The following STK24 variants were observed in gnomAD, a reference collection of about 807,000 sequenced individuals.
STK24 encodes the protein serine/threonine kinase 24.
In STK24, 21 loss-of-function variants were observed where a neutral mutation model predicts 55.6. The observed-to-expected ratio is 0.38, with a 90% confidence interval of 0.27 to 0.54. The LOEUF is 0.54. STK24 is among the 20% of genes least tolerant of loss of function. The pLI is 0.79. For synonymous variants in STK24, 200 were observed against 215.2 expected (o/e 0.93, Z 0.62); for missense variants, 383 against 538.4 (o/e 0.71, Z 2.86).
intron 2 of STK24, among the ~76,000 whole-genome samples, chr13:98,517,840 C>T (rs1334152801): frequency 3.9e-5 from 6 of 152,146 alleles, no homozygotes; most frequent in Non-Finnish European, 8.8e-5. Flanking sequence ...ACCTTCATTG[C>T]ATATTCATTG....
chr13:98,493,535 C>G (rs1230952767), intron 2 of STK24, among the ~76,000 whole-genome samples: 2 of 152,150 alleles, frequency 1.3e-5, no homozygotes, highest in South Asian at 2.1e-4. Flanking sequence ...GCAAACATCA[C>G]AGTAAATGAT....
At chr13:98,477,757 T>A (rs1304561579) in intron 3 of STK24, among the ~76,000 whole-genome samples, 6 of 151,134 alleles carry the variant, frequency 4.0e-5, no homozygotes, top group Non-Finnish European at 7.4e-5. Flanking sequence ...AAGCCGACGA[T>A]CAATACCTGT....
At chr13:98,573,154 G>T (rs1443074976) in intron 1 of STK24, among the ~76,000 whole-genome samples, 1 of 152,196 alleles carries the variant, frequency 6.6e-6, no homozygotes, top group South Asian at 2.1e-4. Context: ...CCGTAGTAAG[G>T]ATTAGTACGG....
rs9584861 is a variant in STK24, at chr13:98,546,911, G to T, written c.43-27438C>A. 4.4e-3 allele frequency among the ~76,000 whole-genome samples: 659 copies of T among 148,660 alleles called. 9 individuals are homozygous for T. Among genetic ancestry groups the T allele is most frequent in the South Asian group, 0.033 (158 of 4,740 alleles). ...CCATATCTAATTGTTGTTTTTTTTTGTTTGTTTGTTTGTTTTTGAGATGGA... is the reference window on the plus strand; with the variant it reads ...CCATATCTAATTGTTGTTTTTTTTTTTTTGTTTGTTTGTTTTTGAGATGGA... On this transcript the variant is annotated intron_variant, in intron 1 of 10. Transcript: ENST00000539966.
intron 2 of STK24, 42 bp from the exon 3 acceptor site, chr13:98,482,363 T>C (rs763232812): frequency 2.3e-6 from 3 of 1,300,038 alleles, no homozygotes; most frequent in African/African-American, 1.5e-5. Flanking sequence ...TCAAAATGAA[T>C]CCAGGAAAAT....
At chr13:98,508,104 C>A (rs1895758008) in intron 2 of STK24, among the ~76,000 whole-genome samples, 1 of 152,176 alleles carries the variant, frequency 6.6e-6, no homozygotes, top group Non-Finnish European at 1.5e-5. Context: ...TCTTCCTGCT[C>A]CCCACCGCTT....
At chr13:98,507,532 A>G (rs912171391) in intron 2 of STK24, among the ~76,000 whole-genome samples, 12 of 152,226 alleles carry the variant, frequency 7.9e-5, no homozygotes, top group Admixed American at 6.5e-5. Flanking sequence ...CCACCTCTGA[A>G]GGCCTTTCCA....
At chr13:98,530,692 A>G (rs1896557573) in intron 1 of STK24, among the ~76,000 whole-genome samples, 1 of 152,224 alleles carries the variant, frequency 6.6e-6, no homozygotes, top group African/African-American at 2.4e-5. Flanking sequence ...CAAGACCTCC[A>G]GCAAGTTCTT....
intron 3 of STK24, among the ~76,000 whole-genome samples, chr13:98,477,551 T>G (rs958588620): frequency 6.6e-6 from 1 of 151,900 alleles, no homozygotes; most frequent in Non-Finnish European, 1.5e-5. Context: ...GGCACATGCT[T>G]GTAATCCCAG....
chr13:98,536,412 A>G (rs1420407665), intron 1 of STK24, among the ~76,000 whole-genome samples: 1 of 151,544 alleles, frequency 6.6e-6, no homozygotes, highest in Non-Finnish European at 1.5e-5. Context: ...TCACCCAGAC[A>G]GGAGTGCAGT....
chr13:98,457,788 A>T (rs1893530680), intron 9 of STK24, among the ~76,000 whole-genome samples: 1 of 152,174 alleles, frequency 6.6e-6, no homozygotes, highest in African/African-American at 2.4e-5. Flanking sequence ...TTTTGAAGAA[A>T]GGTGATTCAA....
Position 98,461,764 on chromosome 13 carries a change from G to A in STK24, c.1053+10C>T, listed in dbSNP as rs1893715358. ...GGTCAGCGTGGCCATTCTGGAGTGAGCAGACGTACCTTATTTCTGTCCAAG... is the reference window on the plus strand; with the variant it reads ...GGTCAGCGTGGCCATTCTGGAGTGAACAGACGTACCTTATTTCTGTCCAAG... On this transcript the variant is annotated intron_variant, in intron 8 of 10. Coordinates refer to ENST00000539966, the MANE Select transcript of STK24 (RefSeq NM_001032296.4). 1 of 1,613,752 alleles carries A rather than the reference G, an allele frequency of 6.2e-7. No individual in the cohort carries two copies. The highest frequency in any genetic ancestry group is 8.5e-7 in the Non-Finnish European group (1 of 1,179,712).
intron 5 of STK24, among the ~76,000 whole-genome samples, chr13:98,472,130 G>C (rs1594585790): frequency 6.6e-6 from 1 of 152,146 alleles, no homozygotes; most frequent in Non-Finnish European, 1.5e-5. Context: ...CTTGCGACAA[G>C]AGCTGCCAGT....
intron 2 of STK24, among the ~76,000 whole-genome samples, chr13:98,510,150 G>T (rs188455796): frequency 8.8e-4 from 134 of 152,354 alleles, no homozygotes; most frequent in African/African-American, 3.2e-3. Flanking sequence ...GAGCAAACAA[G>T]GTTGGACTCC....
At chr13:98,547,190 G>A (rs1431993065) in intron 1 of STK24, among the ~76,000 whole-genome samples, 1 of 152,156 alleles carries the variant, frequency 6.6e-6, no homozygotes, top group Non-Finnish European at 1.5e-5. Context: ...GGGATTACAG[G>A]CGTGAGCCAC....
At chr13:98,477,708 GTCCCATC>G (rs2139293919) in intron 3 of STK24, among the ~76,000 whole-genome samples, 1 of 151,158 alleles carries the variant, frequency 6.6e-6, no homozygotes, top group African/African-American at 2.4e-5. Context: ...TTAGAGTCGG[GTCCCATC>G]TCCCATCTCC....
chr13:98,473,591 G>A (rs796096398), intron 5 of STK24, among the ~76,000 whole-genome samples: 5 of 152,258 alleles, frequency 3.3e-5, no homozygotes, highest in African/African-American at 7.2e-5. Flanking sequence ...TCCCTCCCAC[G>A]TGGGGTAGAG....
intron 1 of STK24, among the ~76,000 whole-genome samples, chr13:98,524,815 G>A (rs578121512): frequency 6.6e-6 from 1 of 152,172 alleles, no homozygotes; most frequent in African/African-American, 2.4e-5. Context: ...AGACGGCTTA[G>A]AAAACAGCAA....
At chr13:98,456,160 G>C (rs567412090) in intron 10 of STK24, 85 of 161,520 alleles carry the variant, frequency 5.3e-4, no homozygotes, top group Non-Finnish European at 7.5e-4. Flanking sequence ...GCATAAACGT[G>C]AAGTATCAGA....
Sources: gnomAD v4.1 joint callset for allele counts (sites outside exome capture counted in the v4.1 genomes callset) on GRCh38, gnomAD v4.1.1 for gene constraint, MANE v1.5 for transcripts, NCBI Gene and HGNC (gene_info 2026-07-23, HGNC 2026-07-21) for gene names.